The following CNTNAP5 variants were observed in gnomAD, a reference collection of about 807,000 sequenced individuals.
CNTNAP5 encodes the protein contactin associated protein family member 5.
A neutral mutation model predicts 150.2 loss-of-function variants in CNTNAP5; 72 were observed. The ratio of observed to expected loss-of-function variants is 0.48; its 90% CI spans 0.40 to 0.58. CNTNAP5 has a LOEUF of 0.58. Among genes scored for constraint, CNTNAP5 ranks in the 20% least tolerant of loss-of-function variants. CNTNAP5 has a pLI of 0.00. For missense variants in CNTNAP5, 1,636 were observed against 1,626.2 expected, an observed-to-expected ratio of 1.01 and a Z score of -0.10; for synonymous variants, 672 against 619.8, an observed-to-expected ratio of 1.08 and a Z score of -1.25.
chr2:124,597,624 G>A (rs1438956595), intron 11 of CNTNAP5, among the ~76,000 whole-genome samples: 1 of 149,596 alleles, frequency 6.7e-6, no homozygotes, highest in Non-Finnish European at 1.5e-5. Context: ...TATGTGTCTT[G>A]GAGTTGCTCT....
chr2:124,395,330 G>A (rs886758221), intron 3 of CNTNAP5, among the ~76,000 whole-genome samples: 2 of 152,076 alleles, frequency 1.3e-5, no homozygotes, highest in Admixed American at 1.3e-4. Context: ...TTTGCACAGG[G>A]GAACAGACCT....
At chr2:124,864,364 A>G (rs1298889920) in intron 19 of CNTNAP5, among the ~76,000 whole-genome samples, 1 of 152,172 alleles carries the variant, frequency 6.6e-6, no homozygotes, top group Non-Finnish European at 1.5e-5. Context: ...GGAAACATTC[A>G]GTATTCTCCT....
intron 13 of CNTNAP5, among the ~76,000 whole-genome samples, chr2:124,713,375 CT>C (rs1679877845): frequency 1.8e-5 from 2 of 108,110 alleles, no homozygotes; most frequent in Admixed American, 2.3e-4. Flanking sequence ...TTCTTTCTTT[CT>C]TTCTTCTCCC....
At chr2:124,661,115 T>A (rs1336173373) in intron 13 of CNTNAP5, among the ~76,000 whole-genome samples, 1 of 152,114 alleles carries the variant, frequency 6.6e-6, no homozygotes, top group South Asian at 2.1e-4. Flanking sequence ...GTACACTTTA[T>A]AAACACTGCA....
chr2:124,111,298 G>A (rs11675400), intron 1 of CNTNAP5, among the ~76,000 whole-genome samples: 14,264 of 152,122 alleles, frequency 0.094, 788 homozygotes, highest in Non-Finnish European at 0.13. Context: ...TGATGAAAAC[G>A]TGCTAAAGTG....
chr2:124,595,803 C>A (rs200559971), intron 11 of CNTNAP5, among the ~76,000 whole-genome samples: 1 of 136,422 alleles, frequency 7.3e-6, no homozygotes, highest in Non-Finnish European at 1.6e-5. Context: ...TTGATTATTG[C>A]TACAATTTCA....
intron 1 of CNTNAP5, among the ~76,000 whole-genome samples, chr2:124,181,711 T>G (rs1237556689): frequency 6.6e-6 from 1 of 152,192 alleles, no homozygotes; most frequent in Non-Finnish European, 1.5e-5. Flanking sequence ...CTTCCTTAAC[T>G]AACAAATAGA....
At chr2:124,605,516 T>C (rs925698110) in intron 11 of CNTNAP5, among the ~76,000 whole-genome samples, 1 of 152,042 alleles carries the variant, frequency 6.6e-6, no homozygotes, top group Non-Finnish European at 1.5e-5. Context: ...TCTTTCAATG[T>C]TTAAGAACTA....
intron 16 of CNTNAP5, among the ~76,000 whole-genome samples, chr2:124,765,729 G>C (rs980010248): frequency 1.3e-5 from 2 of 152,142 alleles, no homozygotes; most frequent in African/African-American, 4.8e-5. Context: ...GCCTAAGCAG[G>C]AGGATTACTT....
chr2:124,278,771 G>A (rs1687947667), intron 3 of CNTNAP5, among the ~76,000 whole-genome samples: 1 of 152,136 alleles, frequency 6.6e-6, no homozygotes, highest in South Asian at 2.1e-4. Context: ...TTTTACCAGT[G>A]TTTTAAATTA....
chr2:124,240,047 C>G (rs899286180), intron 2 of CNTNAP5, among the ~76,000 whole-genome samples: 4 of 152,072 alleles, frequency 2.6e-5, no homozygotes. Flanking sequence ...TGGATTTACC[C>G]TATGTTTTAA....
At chr2:124,064,567 T>C (rs980159328) in intron 1 of CNTNAP5, among the ~76,000 whole-genome samples, 3 of 152,178 alleles carry the variant, frequency 2.0e-5, no homozygotes, top group African/African-American at 7.2e-5. Context: ...TCCTCTATTT[T>C]ATTCTCTATC....
chr2:124,149,184 G>C (rs1684339206), intron 1 of CNTNAP5, among the ~76,000 whole-genome samples: 1 of 151,936 alleles, frequency 6.6e-6, no homozygotes, highest in South Asian at 2.1e-4. Flanking sequence ...GCTCCAGTTA[G>C]TCTGTTCATA....
At chr2:124,399,264 T>C (rs2043072) in intron 3 of CNTNAP5, among the ~76,000 whole-genome samples, 78,378 of 151,862 alleles carry the variant, frequency 0.52, 21,547 homozygotes, top group South Asian at 0.63. Flanking sequence ...TCATGATAAA[T>C]GTGGGTTATT....
chr2:124,704,509 A>C (rs531731991), intron 13 of CNTNAP5, among the ~76,000 whole-genome samples: 1 of 152,330 alleles, frequency 6.6e-6, no homozygotes, highest in African/African-American at 2.4e-5. Context: ...AATAGTATGC[A>C]GTCCTTAAAT....
At chr2:124,891,217 G>T (rs1678187522) in intron 21 of CNTNAP5, among the ~76,000 whole-genome samples, 1 of 152,086 alleles carries the variant, frequency 6.6e-6, no homozygotes, top group Non-Finnish European at 1.5e-5. Context: ...AAATGAATTT[G>T]CTCACATGCT....
intron 1 of CNTNAP5, among the ~76,000 whole-genome samples, chr2:124,101,573 C>T (rs1683063486): frequency 6.6e-6 from 1 of 152,176 alleles, no homozygotes; most frequent in African/African-American, 2.4e-5. Context: ...CCATGGAGAC[C>T]TCCTTTTAAC....
At chr2:124,555,872 T>C (rs985520588) in intron 10 of CNTNAP5, among the ~76,000 whole-genome samples, 2 of 152,190 alleles carry the variant, frequency 1.3e-5, no homozygotes, top group Admixed American at 1.3e-4. Context: ...CCATTGGGAA[T>C]TTGTAGAATA....
At chr2:124,659,261 G>A (rs1465100665) in intron 13 of CNTNAP5, among the ~76,000 whole-genome samples, 6 of 152,150 alleles carry the variant, frequency 3.9e-5, no homozygotes, top group African/African-American at 7.2e-5. Flanking sequence ...AGAAGAGGGA[G>A]TGGGTTTTCT....
Sources: gnomAD v4.1 joint callset for allele counts (sites outside exome capture counted in the v4.1 genomes callset) on GRCh38, gnomAD v4.1.1 for gene constraint, MANE v1.5 for transcripts, NCBI Gene and HGNC (gene_info 2026-07-23, HGNC 2026-07-21) for gene names.